The following IL1RAPL1 variants were observed in gnomAD, a reference collection of about 807,000 sequenced individuals.
IL1RAPL1 encodes the protein interleukin 1 receptor accessory protein like 1, also known as interleukin-1 receptor accessory protein-like 1.
A neutral mutation model predicts 48.4 loss-of-function variants in IL1RAPL1; 3 were observed. That is an observed-to-expected ratio of 0.06 (90% confidence interval 0.03 to 0.16). IL1RAPL1 has a LOEUF of 0.16. IL1RAPL1 is among the 10% of genes least tolerant of loss of function. The pLI is 1.00. For synonymous variants in IL1RAPL1, 185 were observed against 187.7 expected, an observed-to-expected ratio of 0.99 and a Z score of 0.12; for missense variants, 349 against 530.6, an observed-to-expected ratio of 0.66 and a Z score of 3.36.
chrX:29,102,967 A>G (rs1157980489), intron 2 of IL1RAPL1, among the ~76,000 whole-genome samples: 3 of 112,359 alleles, frequency 2.7e-5, no homozygotes, highest in Middle Eastern at 9.3e-3. Context: ...GAATAAAGAC[A>G]TTGATGAAGA....
At chrX:29,940,789 A>G (rs1249555634) in intron 8 of IL1RAPL1, among the ~76,000 whole-genome samples, 1 of 112,752 alleles carries the variant, frequency 8.9e-6, no homozygotes, top group East Asian at 2.8e-4. Context: ...GAGAATTTGT[A>G]TACAGTGAGT....
At chrX:29,753,055 A>G (rs1179188182) in intron 6 of IL1RAPL1, among the ~76,000 whole-genome samples, 1 of 112,111 alleles carries the variant, frequency 8.9e-6, no homozygotes, top group African/African-American at 3.2e-5. Flanking sequence ...ATAGTAGAAT[A>G]TATTGATAAG....
At chrX:28,636,015 T>C (rs1431125668) in intron 1 of IL1RAPL1, among the ~76,000 whole-genome samples, 1 of 111,813 alleles carries the variant, frequency 8.9e-6, no homozygotes, top group Non-Finnish European at 1.9e-5. Context: ...CTATTATTTT[T>C]TGTATATTTA....
chrX:29,127,455 C>A (rs139406284), intron 2 of IL1RAPL1, among the ~76,000 whole-genome samples: 1 of 111,935 alleles, frequency 8.9e-6, no homozygotes, highest in African/African-American at 3.2e-5. Context: ...TGATCTAGCC[C>A]TTCTTCTATC....
intron 2 of IL1RAPL1, among the ~76,000 whole-genome samples, chrX:28,919,748 AAATG>A (rs754416501): frequency 8.9e-6 from 1 of 112,224 alleles, no homozygotes; most frequent in Non-Finnish European, 1.9e-5. Flanking sequence ...TATAAATAAA[AAATG>A]AATGCTATAG....
intron 1 of IL1RAPL1, among the ~76,000 whole-genome samples, chrX:28,615,034 G>A (rs768995015): frequency 4.2e-4 from 46 of 109,265 alleles, no homozygotes; most frequent in African/African-American, 1.5e-3. Context: ...GACTACAGGT[G>A]CCCGCCACCA....
chrX:29,065,553 G>A (rs1927435223), intron 2 of IL1RAPL1, among the ~76,000 whole-genome samples: 1 of 111,722 alleles, frequency 9.0e-6, no homozygotes, highest in Admixed American at 9.5e-5. Context: ...GAGCTTCTTG[G>A]TTGTGTAGAT....
chrX:28,806,966 A>G lies in IL1RAPL1; in HGVS notation c.82+17541A>G, dbSNP rs1019620108. 4.5e-5 allele frequency among the ~76,000 whole-genome samples: 5 copies of G among 110,880 alleles called. No homozygotes were observed. The East Asian group carries it at 1.1e-3, about 25-fold the overall frequency. ...CTCAAAGCATGTTCTGAAAGAGACA[A>G]TTTTTGTGCAACTAGCTCTAATTGT... On this transcript the variant is annotated intron_variant, in intron 2 of 10. Coordinates refer to ENST00000378993, the MANE Select transcript of IL1RAPL1 (RefSeq NM_014271.4).
intron 2 of IL1RAPL1, among the ~76,000 whole-genome samples, chrX:29,132,473 C>T (rs775982427): frequency 6.2e-5 from 7 of 112,018 alleles, no homozygotes; most frequent in African/African-American, 1.9e-4. Flanking sequence ...AGATGCAGTA[C>T]TGGTTTGTAG....
chrX:29,510,358 C>G (rs965289116), intron 5 of IL1RAPL1, among the ~76,000 whole-genome samples: 1 of 111,964 alleles, frequency 8.9e-6, no homozygotes, highest in Non-Finnish European at 1.9e-5. Context: ...GGTACAAACA[C>G]TAAAAAATTC....
intron 1 of IL1RAPL1, among the ~76,000 whole-genome samples, chrX:28,744,678 G>A (rs1935952745): frequency 8.9e-6 from 1 of 111,816 alleles, no homozygotes; most frequent in South Asian, 3.7e-4. Context: ...AAACGCAGCA[G>A]AACAGGTGGT....
chrX:29,141,274 T>C (rs982531046), intron 2 of IL1RAPL1, among the ~76,000 whole-genome samples: 1 of 111,112 alleles, frequency 9.0e-6, no homozygotes, highest in Non-Finnish European at 1.9e-5. Flanking sequence ...TGATTGTGAA[T>C]GTTACCGCAG....
chrX:29,925,295 A>C (rs1932876764), intron 8 of IL1RAPL1, among the ~76,000 whole-genome samples: 1 of 109,551 alleles, frequency 9.1e-6, no homozygotes, highest in Admixed American at 9.9e-5. Flanking sequence ...CAAAATATTA[A>C]GGAATTTTAG....
chrX:29,447,499 C>T (rs143896322), intron 5 of IL1RAPL1, among the ~76,000 whole-genome samples: 1,465 of 111,600 alleles, frequency 0.013, 25 homozygotes, highest in African/African-American at 0.037. Context: ...TTTGTAATTA[C>T]GCACCTAGGA....
At chrX:29,100,250 T>A (rs944124802) in intron 2 of IL1RAPL1, among the ~76,000 whole-genome samples, 3 of 111,826 alleles carry the variant, frequency 2.7e-5, no homozygotes, top group African/African-American at 9.7e-5. Context: ...AAATTTAATA[T>A]TCCAGGATTA....
intron 6 of IL1RAPL1, among the ~76,000 whole-genome samples, chrX:29,756,558 G>A (rs779236683): frequency 1.3e-4 from 14 of 109,525 alleles, no homozygotes; most frequent in Non-Finnish European, 1.7e-4. Context: ...GATTACAGGC[G>A]CCCACCACCA....
intron 6 of IL1RAPL1, among the ~76,000 whole-genome samples, chrX:29,913,393 T>TACACACACACACAC (rs775944840): frequency 2.9e-3 from 303 of 105,935 alleles, no homozygotes; most frequent in Non-Finnish European, 4.0e-3. Flanking sequence ...GACACAGTGA[T>TACACACACACACAC]ACACACACAC....
chrX:29,163,720 C>T (rs763651074), intron 2 of IL1RAPL1, among the ~76,000 whole-genome samples: 14 of 110,748 alleles, frequency 1.3e-4, no homozygotes, highest in South Asian at 3.8e-4. Flanking sequence ...CAAATTAAAA[C>T]GAAGACTAGA....
At chrX:29,648,822 A>G (rs1301454331) in intron 5 of IL1RAPL1, among the ~76,000 whole-genome samples, 1 of 111,527 alleles carries the variant, frequency 9.0e-6, no homozygotes, top group Non-Finnish European at 1.9e-5. Flanking sequence ...GAAAAACAAT[A>G]CAAGAGATGA....
Sources: gnomAD v4.1 joint callset for allele counts (sites outside exome capture counted in the v4.1 genomes callset) on GRCh38, gnomAD v4.1.1 for gene constraint, MANE v1.5 for transcripts, NCBI Gene and HGNC (gene_info 2026-07-23, HGNC 2026-07-21) for gene names.